Variants in AFAP1L1 observed in about 807,000 individuals in gnomAD.
AFAP1L1 encodes the protein actin filament-associated protein 1-like 1.
Under a neutral mutation model 99.8 loss-of-function variants are expected in AFAP1L1, and 77 were observed. The ratio of observed to expected loss-of-function variants is 0.77; its 90% CI spans 0.64 to 0.93. The LOEUF (loss-of-function observed/expected upper bound fraction) is 0.93. AFAP1L1 is among the 40% of genes least tolerant of loss of function. AFAP1L1 has a pLI of 0.00. For synonymous variants in AFAP1L1, 373 were observed against 395.3 expected, an observed-to-expected ratio of 0.94 and a Z score of 0.67; for missense variants, 893 against 996.8, an observed-to-expected ratio of 0.90 and a Z score of 1.40.
chr5:149,312,001 C>T, intron 8 of AFAP1L1, 111 bp from the exon 9 acceptor site: 1 of 953,712 alleles, frequency 1.0e-6, no homozygotes, highest in South Asian at 1.5e-5. Flanking sequence ...ATCTGTTCCC[C>T]ACAGTGGCCC....
At position 149,322,667 on chromosome 5, in the gene AFAP1L1, A is replaced by G. The variant is rs367849937; in HGVS notation, c.1760A>G (p.Glu587Gly). The change falls in exon 15 of 19, where the codon GAG (glutamate) becomes GGG (glycine). Residue 587 changes from glutamate to glycine, a missense_variant. By Grantham distance (98) the Glu-to-Gly change is moderately conservative. Coordinates refer to ENST00000296721, the MANE Select transcript of AFAP1L1 (RefSeq NM_152406.4). Reference sequence around the variant, plus strand: ...AAGCGTCACGCCTCCTCCTGCAGTGAGAAGTCCCATCGTGTGGACCCGCAG... The same window carrying G: ...AAGCGTCACGCCTCCTCCTGCAGTGGGAAGTCCCATCGTGTGGACCCGCAG... ...QVKRHASSCS[E>G]KSHRVDPQVK... 2.5e-5 allele frequency: 40 copies of G among 1,596,006 alleles called. No individual in the cohort carries two copies. The highest frequency in any genetic ancestry group is 3.2e-5 in the Non-Finnish European group (37 of 1,170,668).
At chr5:149,316,528 C>A (rs1756803815) in intron 11 of AFAP1L1, among the ~76,000 whole-genome samples, 1 of 152,190 alleles carries the variant, frequency 6.6e-6, no homozygotes, top group Non-Finnish European at 1.5e-5. Flanking sequence ...CAGCTGACCA[C>A]TGTATTTCTA....
chr5:149,320,538 C>A lies in AFAP1L1; in HGVS notation c.1698+75C>A. ...CTCTCCCTCTTTCTGCTCCCTTTAC[C>A]TTCTGCCTCAGAAAGATCATTTTCA... On this transcript the variant is annotated intron_variant, in intron 14 of 18. Coordinates refer to ENST00000296721, the MANE Select transcript of AFAP1L1 (RefSeq NM_152406.4). This position sits in a 1 kb window ranked among gnomAD's most constrained non-coding sequence, Gnocchi z 4.0. The A allele has an allele frequency of 7.4e-7, 1 of 1,352,334 alleles. No individual in the cohort carries two copies. Among genetic ancestry groups the A allele is most frequent in the Non-Finnish European group, 1.1e-6 (1 of 948,234 alleles). 83.8% of individuals were successfully genotyped at this position (1,352,334 alleles called of 1,614,324 possible).
chr5:149,329,774 T>A lies in AFAP1L1; in HGVS notation c.1919T>A (p.Leu640Gln). ...GAGAAAGAGACGATTCGGACAGAGC[T>A]GATAGCACTGAGACAGGAGAAGAGG... ...EKEKETIRTELIALRQEKREL... is the reference protein window; with the variant it reads ...EKEKETIRTEQIALRQEKREL... Residue 640 changes from leucine (L) to glutamine (Q), a missense_variant, in exon 16 of 19, where the codon CTG (leucine) becomes CAG (glutamine). Coordinates refer to ENST00000296721, the MANE Select transcript of AFAP1L1 (RefSeq NM_152406.4). The A allele has an allele frequency of 6.2e-7, 1 of 1,613,788 alleles. No individual in the cohort carries two copies. The highest frequency in any genetic ancestry group is 8.5e-7 in the Non-Finnish European group (1 of 1,179,894).
chr5:149,336,969 T>C (rs1240750768), intron 18 of AFAP1L1, among the ~76,000 whole-genome samples: 1 of 152,104 alleles, frequency 6.6e-6, no homozygotes, highest in Admixed American at 6.6e-5. Flanking sequence ...GAAAAACTGG[T>C]AGGAGATGAG....
rs184094421 is a variant in AFAP1L1, at chr5:149,336,243, A to G, written c.2283+521A>G. ...AAACCTCAATATGTCCTCAGGTGGT[A>G]CCATGTAAGCAAACATGTTAATAAT... On this transcript the variant is annotated intron_variant, in intron 18 of 18. Coordinates refer to ENST00000296721, the MANE Select transcript of AFAP1L1 (RefSeq NM_152406.4). Among the ~76,000 whole-genome samples, 257 of 152,360 alleles carry G rather than the reference A, an allele frequency of 1.7e-3. 3 individuals carry two copies. The highest frequency in any genetic ancestry group is 6.0e-3 in the African/African-American group (249 of 41,586).
chr5:149,332,553 C>CA, intron 16 of AFAP1L1, 142 bp from the exon 17 acceptor site: 1 of 839,754 alleles, frequency 1.2e-6, no homozygotes, highest in Non-Finnish European at 1.8e-6. Context: ...GCTGGAACCC[C>CA]AAACCCAGAG....
rs116696317 is a variant in AFAP1L1, at chr5:149,313,770, G to C, written c.1020+1566G>C. Reference sequence around the variant, plus strand: ...AAGTGCTAGAAGGGAAAAGTACCAGGTACCCTGGGCCCCTGCCTCTGCCTC... The same window carrying C: ...AAGTGCTAGAAGGGAAAAGTACCAGCTACCCTGGGCCCCTGCCTCTGCCTC... On this transcript the variant is annotated intron_variant, in intron 9 of 18. Transcript: ENST00000296721. Among the ~76,000 whole-genome samples, 1,348 of 152,306 alleles carry C rather than the reference G, an allele frequency of 8.9e-3. 11 individuals carry two copies. Among genetic ancestry groups the C allele is most frequent in the Non-Finnish European group, 0.013 (903 of 68,024 alleles).
Position 149,300,323 on chromosome 5 carries a change from C to T in AFAP1L1, c.198C>T (p.Pro66=). 6.2e-7 allele frequency: 1 copy of T among 1,613,472 alleles called. No individual in the cohort carries two copies. The highest frequency in any genetic ancestry group is 8.5e-7 in the Non-Finnish European group (1 of 1,179,736). The change falls in exon 3 of 19, where the codon CCC becomes CCT. Residue 66 remains proline (P), a synonymous_variant. Transcript: ENST00000296721. ...YVNTADLHSG[P]SFVESLFEEF... is the part of the protein sequence containing the mutation. ...ACACAGCAGACCTCCACTCGGGGCC[C>T]AGCTTCGTGGAATCCCTCTTTGAAG...
rs56036411 is a variant in AFAP1L1 at position 149,305,878 on chromosome 5, C to CCACACACACACACACA, written c.437-400_437-385dup. Among the ~76,000 whole-genome samples the CCACACACACACACACA allele has an allele frequency of 8.8e-4, 125 of 142,568 alleles. No individual in the cohort carries two copies. The East Asian group carries it at 0.011, about 13-fold the overall frequency. 93.5% of individuals were successfully genotyped at this position (142,568 alleles called of 152,430 possible). The stretch of plus-strand genomic sequence containing the variant: ...AAAAATCAGAGCTGCGACCAACACA[C>CCACACACACACACACA]CACACACACACACACACACACACAC... On this transcript the variant is annotated intron_variant, in intron 5 of 18. Coordinates refer to ENST00000296721, the MANE Select transcript of AFAP1L1 (RefSeq NM_152406.4).
chr5:149,340,425 G>A lies in AFAP1L1; in HGVS notation c.*395G>A. On this transcript the variant is annotated 3_prime_UTR_variant, in exon 19 of 19. Transcript: ENST00000296721. The stretch of plus-strand genomic sequence containing the variant: ...AGTCCTTAAGGCAAAGGGAGGCAGT[G>A]CTGAAGCATTGGTGGTGCAGTGTAA... 5.3e-6 allele frequency: 1 copy of A among 190,136 alleles called. No homozygotes were observed. Among genetic ancestry groups the A allele is most frequent in the Non-Finnish European group, 1.1e-5 (1 of 89,518 alleles). 11.8% of individuals were successfully genotyped at this position (190,136 alleles called of 1,614,324 possible).
chr5:149,290,077 C>A (rs1223030235), intron 1 of AFAP1L1, among the ~76,000 whole-genome samples: 1 of 152,030 alleles, frequency 6.6e-6, no homozygotes, highest in Non-Finnish European at 1.5e-5. Flanking sequence ...ACTAAAAATA[C>A]AAAAAATTAG....
rs1442993884 is a variant in AFAP1L1, at chr5:149,342,359, T to G, written c.*2329T>G. On this transcript the variant is annotated 3_prime_UTR_variant, in exon 19 of 19. Transcript: ENST00000296721. Reference sequence around the variant, plus strand: ...AGGTAACTTGTCCAAGCTCCCATAGTTCTTATATTTACATGCTGGTGGAGC... The same window carrying G: ...AGGTAACTTGTCCAAGCTCCCATAGGTCTTATATTTACATGCTGGTGGAGC... 1.3e-5 allele frequency among the ~76,000 whole-genome samples: 2 copies of G among 152,330 alleles called. No individual in the cohort carries two copies. Among genetic ancestry groups the G allele is most frequent in the Non-Finnish European group, 1.5e-5 (1 of 68,030 alleles).
intron 16 of AFAP1L1, among the ~76,000 whole-genome samples, chr5:149,331,996 A>C (rs1434241023): frequency 6.6e-6 from 1 of 152,076 alleles, no homozygotes; most frequent in African/African-American, 2.4e-5. Flanking sequence ...TTCATCCCTA[A>C]TCCAATCACT....
chr5:149,316,129 C>T, intron 10 of AFAP1L1, 22 bp from the exon 11 acceptor site: 3 of 1,610,600 alleles, frequency 1.9e-6, no homozygotes, highest in Non-Finnish European at 2.5e-6. Flanking sequence ...CCCTCCACTC[C>T]CCTGACCCAT....
In AFAP1L1 at chr5:149,335,832, A is replaced by G. The variant is rs1234950233; in HGVS notation, c.2283+110A>G. ...TAGTGAGAAAGGTAGAGAATTGCCAATGCATTTATACAATGAAACTCATGA... is the reference window on the plus strand; with the variant it reads ...TAGTGAGAAAGGTAGAGAATTGCCAGTGCATTTATACAATGAAACTCATGA... On this transcript the variant is annotated intron_variant, in intron 18 of 18. Transcript: ENST00000296721. The G allele has an allele frequency of 7.0e-6, 10 of 1,428,588 alleles. No individual in the cohort carries two copies. In the Admixed American group the frequency reaches 8.7e-5, roughly 12 times the overall value. 88.5% of individuals were successfully genotyped at this position (1,428,588 alleles called of 1,614,324 possible).
At chr5:149,312,853 G>A (rs953811888) in intron 9 of AFAP1L1, among the ~76,000 whole-genome samples, 12 of 151,656 alleles carry the variant, frequency 7.9e-5, no homozygotes, top group African/African-American at 1.7e-4. Context: ...TAGGCCGGGC[G>A]CAGTGGCTCA....
chr5:149,324,982 G>T (rs1040541420), intron 15 of AFAP1L1, among the ~76,000 whole-genome samples: 1 of 152,184 alleles, frequency 6.6e-6, no homozygotes, highest in Non-Finnish European at 1.5e-5. Context: ...GCACTGTTTA[G>T]TGTGGGAGGG....
intron 1 of AFAP1L1, among the ~76,000 whole-genome samples, chr5:149,284,433 T>C (rs762801057): frequency 2.6e-5 from 4 of 152,244 alleles, no homozygotes; most frequent in Non-Finnish European, 5.9e-5. Flanking sequence ...TGAGGGCTCA[T>C]TGGATTCATA....
Sources: gnomAD v4.1 joint callset for allele counts (sites outside exome capture counted in the v4.1 genomes callset) on GRCh38, gnomAD v4.1.1 for gene constraint, Gnocchi (gnomAD v3.1) non-coding constraint, MANE v1.5 for transcripts, NCBI Gene and HGNC (gene_info 2026-07-23, HGNC 2026-07-21) for gene names.